The following STK32B variants were observed in gnomAD, a reference collection of about 807,000 sequenced individuals.
STK32B encodes serine/threonine-protein kinase 32B.
Under a neutral mutation model 52.6 loss-of-function variants are expected in STK32B, and 43 were observed. That is an observed-to-expected ratio of 0.82 (90% CI 0.64 to 1.05). STK32B has a LOEUF of 1.05. Among genes scored for constraint, STK32B ranks in the 50% least tolerant of loss-of-function variants. The pLI is 0.00. For missense variants in STK32B, 621 were observed against 534.6 expected (o/e 1.16, Z -1.59); for synonymous variants, 238 against 204.3 (o/e 1.17, Z -1.41).
intron 3 of STK32B, among the ~76,000 whole-genome samples, chr4:5,306,587 T>C (rs958951742): frequency 4.6e-5 from 7 of 152,182 alleles, no homozygotes; most frequent in African/African-American, 1.7e-4. Flanking sequence ...TGAGTTCTTA[T>C]CTATTCTGCC....
intron 3 of STK32B, among the ~76,000 whole-genome samples, chr4:5,184,503 C>G (rs888789227): frequency 2.6e-5 from 4 of 151,950 alleles, no homozygotes; most frequent in Non-Finnish European, 5.9e-5. Context: ...GTCTGGCCAA[C>G]ATGGTGAAAC....
intron 6 of STK32B, among the ~76,000 whole-genome samples, chr4:5,441,877 G>A (rs1227374936): frequency 1.0e-4 from 14 of 134,332 alleles, no homozygotes; most frequent in African/African-American, 3.9e-4. Context: ...TAGTCATTCA[G>A]GAGCAGGTTG....
In STK32B at chr4:5,159,578, T is replaced by TATATATGAATATATATATGA. The variant is rs1553840363; in HGVS notation, c.109-8715_109-8714insGAATATATATATGAATATAT. Among the ~76,000 whole-genome samples, 142 of 22,208 alleles carry TATATATGAATATATATATGA rather than the reference T, an allele frequency of 6.4e-3. 10 individuals are homozygous for TATATATGAATATATATATGA. The highest frequency in any genetic ancestry group is 0.016 in the African/African-American group (36 of 2,284). 14.6% of individuals were successfully genotyped at this position (22,208 alleles called of 152,430 possible). On this transcript the variant is annotated intron_variant, in intron 2 of 11. Coordinates refer to ENST00000282908, the MANE Select transcript of STK32B (RefSeq NM_018401.3). ...ATATATATGAATGAATATATATGAA[T>TATATATGAATATATATATGA]ATATATATGAATATATATGAATATA... is the stretch of plus-strand genomic sequence containing the variant.
At chr4:5,246,963 T>A (rs1053749561) in intron 3 of STK32B, among the ~76,000 whole-genome samples, 1 of 152,130 alleles carries the variant, frequency 6.6e-6, no homozygotes, top group African/African-American at 2.4e-5. Flanking sequence ...CCCGGCTGTA[T>A]AAGGTGCCGG....
rs1307454194 is a variant in STK32B at position 5,400,876 on chromosome 4, CA to C, written c.472+2633del. Among the ~76,000 whole-genome samples, 1 of 152,138 alleles carries C rather than the reference CA, an allele frequency of 6.6e-6. No homozygotes were observed. Among genetic ancestry groups the C allele is most frequent in the Non-Finnish European group, 1.5e-5 (1 of 68,034 alleles). On this transcript the variant is annotated intron_variant, in intron 5 of 11. Coordinates refer to ENST00000282908, the MANE Select transcript of STK32B (RefSeq NM_018401.3). This position sits in a 1 kb window ranked among gnomAD's most constrained non-coding sequence, Gnocchi z 6.1. ...TTAACAGAATGATGAACAAGGCAAACAGGGTCCCAACGCTGATGGGTTTCAT... is the reference window on the plus strand; with the variant it reads ...TTAACAGAATGATGAACAAGGCAAACGGGTCCCAACGCTGATGGGTTTCAT...
chr4:5,228,513 G>T (rs1043905569), intron 3 of STK32B, among the ~76,000 whole-genome samples: 1 of 152,126 alleles, frequency 6.6e-6, no homozygotes, highest in Admixed American at 6.6e-5. Flanking sequence ...AGTTTGAAAA[G>T]CTGCAATAAA....
chr4:5,230,105 C>A (rs1055560314), intron 3 of STK32B, among the ~76,000 whole-genome samples: 2 of 151,246 alleles, frequency 1.3e-5, no homozygotes, highest in African/African-American at 2.4e-5. Context: ...AAGTGATTCT[C>A]CTGCCTCAGC....
intron 3 of STK32B, among the ~76,000 whole-genome samples, chr4:5,205,128 C>T (rs1195937149): frequency 3.3e-5 from 5 of 152,180 alleles, no homozygotes; most frequent in African/African-American, 1.2e-4. Flanking sequence ...TTCTTCTGCC[C>T]TTGGACTTTC....
At chr4:5,145,669 T>A (rs577657405) in intron 2 of STK32B, among the ~76,000 whole-genome samples, 120 of 152,314 alleles carry the variant, frequency 7.9e-4, no homozygotes, top group African/African-American at 1.9e-3. Flanking sequence ...TGAGATTCAT[T>A]TGTATTGCAT....
At chr4:5,440,441 TG>T in intron 6 of STK32B, among the ~76,000 whole-genome samples, 1 of 152,312 alleles carries the variant, frequency 6.6e-6, no homozygotes, top group African/African-American at 2.4e-5. Context: ...TTGTGATTTT[TG>T]TACATTGATT....
intron 11 of STK32B, among the ~76,000 whole-genome samples, chr4:5,480,874 T>G (rs1577574111): frequency 6.6e-6 from 1 of 152,228 alleles, no homozygotes; most frequent in East Asian, 1.9e-4. Flanking sequence ...AGAATGATGG[T>G]TTCCAGCTTC....
intron 1 of STK32B, among the ~76,000 whole-genome samples, chr4:5,111,611 A>G (rs1344544174): frequency 2.0e-5 from 3 of 152,130 alleles, no homozygotes; most frequent in Non-Finnish European, 4.4e-5. Context: ...TGGAGACTTC[A>G]AAAGGGGTTG....
At chr4:5,265,687 C>T (rs1727013617) in intron 3 of STK32B, among the ~76,000 whole-genome samples, 1 of 152,250 alleles carries the variant, frequency 6.6e-6, no homozygotes, top group Admixed American at 6.5e-5. Context: ...TGCTAATAAA[C>T]CTTTCCACAT....
rs116917465 is a variant in STK32B, at chr4:5,370,284, A to G, written c.435-27923A>G. 2.8e-3 allele frequency among the ~76,000 whole-genome samples: 420 copies of G among 152,348 alleles called. 7 individuals are homozygous for G. In the East Asian group the frequency reaches 0.036, roughly 13 times the overall value. ...CAGACATCTTGTTCGCTGTGGTATT[A>G]TCATTGGCTGACTTGGTACCTGCCA... On this transcript the variant is annotated intron_variant, in intron 4 of 11. Transcript: ENST00000282908.
intron 1 of STK32B, among the ~76,000 whole-genome samples, chr4:5,082,386 G>C (rs1302178578): frequency 5.9e-5 from 9 of 152,180 alleles, no homozygotes; most frequent in Admixed American, 3.3e-4. Context: ...GAGGCAGATG[G>C]AGCATTGTAG....
At chr4:5,073,642 G>T (rs1383220484) in intron 1 of STK32B, among the ~76,000 whole-genome samples, 1 of 151,884 alleles carries the variant, frequency 6.6e-6, no homozygotes, top group Non-Finnish European at 1.5e-5. Context: ...AATTTCTGTT[G>T]TGCTTTCAGA....
chr4:5,291,856 T>C (rs1032676855), intron 3 of STK32B, among the ~76,000 whole-genome samples: 1 of 152,122 alleles, frequency 6.6e-6, no homozygotes, highest in African/African-American at 2.4e-5. Context: ...CCTTTCTGTC[T>C]CTTTTTTTGT....
intron 11 of STK32B, among the ~76,000 whole-genome samples, chr4:5,480,726 T>TC (rs1424956666): frequency 6.6e-6 from 1 of 151,542 alleles, no homozygotes; most frequent in South Asian, 2.1e-4. Flanking sequence ...ATGCTATCCC[T>TC]CCCCCCTCCA....
chr4:5,107,674 T>C (rs1398939292), intron 1 of STK32B, among the ~76,000 whole-genome samples: 1 of 152,256 alleles, frequency 6.6e-6, no homozygotes, highest in Admixed American at 6.5e-5. Context: ...CCTCATCGTC[T>C]GCTATTTGAT....
Sources: allele counts gnomAD v4.1 joint callset (sites outside exome capture counted in the v4.1 genomes callset), GRCh38; gene constraint gnomAD v4.1.1; non-coding constraint Gnocchi (gnomAD v3.1); transcripts MANE v1.5; gene names NCBI Gene and HGNC (gene_info 2026-07-23, HGNC 2026-07-21).